NRG3: variants seen among roughly 807,000 people sequenced by gnomAD.
NRG3 encodes neuregulin 3.
Under a neutral mutation model 66.9 loss-of-function variants are expected in NRG3, and 31 were observed. The ratio of observed to expected loss-of-function variants is 0.46; its 90% CI spans 0.35 to 0.63. NRG3 has a LOEUF of 0.63. NRG3 is among the 20% of genes least tolerant of loss of function. The probability of loss-of-function intolerance (pLI) is 0.00; values close to 1 mark genes in which losing one functional copy is unlikely to be tolerated. For missense variants in NRG3, 910 were observed against 878.9 expected, an observed-to-expected ratio of 1.04 and a Z score of -0.45; for synonymous variants, 393 against 359.4, an observed-to-expected ratio of 1.09 and a Z score of -1.06.
chr10:82,933,989 A>G (rs1847830849), intron 4 of NRG3, among the ~76,000 whole-genome samples: 1 of 152,028 alleles, frequency 6.6e-6, no homozygotes, highest in Non-Finnish European at 1.5e-5. Context: ...TGGGCTCTGG[A>G]TTGGGTTGGT....
chr10:82,395,292 G>C (rs893741070), intron 2 of NRG3, among the ~76,000 whole-genome samples: 1 of 152,072 alleles, frequency 6.6e-6, no homozygotes, highest in African/African-American at 2.4e-5. Flanking sequence ...GTTAATTGAC[G>C]TACATATATA....
At chr10:82,959,403 A>G (rs1481470420) in intron 6 of NRG3, among the ~76,000 whole-genome samples, 1 of 152,190 alleles carries the variant, frequency 6.6e-6, no homozygotes, top group Non-Finnish European at 1.5e-5. Context: ...CAAGGATACA[A>G]TGTCCCTTGC....
At chr10:82,541,825 A>T (rs2043562196) in intron 2 of NRG3, among the ~76,000 whole-genome samples, 1 of 152,190 alleles carries the variant, frequency 6.6e-6, no homozygotes, top group East Asian at 1.9e-4. Flanking sequence ...ACTGCAGTCC[A>T]CCGATACCAG....
intron 3 of NRG3, among the ~76,000 whole-genome samples, chr10:82,825,163 C>T (rs1439674256): frequency 6.6e-6 from 1 of 152,154 alleles, no homozygotes; most frequent in Admixed American, 6.5e-5. Context: ...AAACATTTGT[C>T]ATTTTGATGA....
intron 3 of NRG3, among the ~76,000 whole-genome samples, chr10:82,784,236 A>G (rs1474445719): frequency 1.3e-5 from 2 of 152,022 alleles, no homozygotes; most frequent in African/African-American, 2.4e-5. Context: ...TAAACGTTAG[A>G]CCTAAAACCA....
At chr10:81,891,769 T>C (rs1422584862) in intron 1 of NRG3, among the ~76,000 whole-genome samples, 1 of 152,186 alleles carries the variant, frequency 6.6e-6, no homozygotes, top group Non-Finnish European at 1.5e-5. Flanking sequence ...CCTCAATTGT[T>C]TGAGACCCCA....
At chr10:82,281,959 G>A (rs2079144564) in intron 1 of NRG3, among the ~76,000 whole-genome samples, 1 of 152,062 alleles carries the variant, frequency 6.6e-6, no homozygotes, top group South Asian at 2.1e-4. Context: ...TAGCCTTTTG[G>A]TAACAAGCAA....
At chr10:82,242,855 G>T (rs1317091200) in intron 1 of NRG3, among the ~76,000 whole-genome samples, 1 of 152,164 alleles carries the variant, frequency 6.6e-6, no homozygotes, top group Non-Finnish European at 1.5e-5. Context: ...GCTGGAAAGG[G>T]AATTCTACTG....
At chr10:82,437,147 A>G (rs567975526) in intron 2 of NRG3, among the ~76,000 whole-genome samples, 5 of 151,618 alleles carry the variant, frequency 3.3e-5, no homozygotes, top group Non-Finnish European at 7.4e-5. Flanking sequence ...GTTTGTTTCC[A>G]TTCTCCCTTC....
At chr10:82,199,560 C>A (rs1273070341) in intron 1 of NRG3, among the ~76,000 whole-genome samples, 1 of 152,134 alleles carries the variant, frequency 6.6e-6, no homozygotes, top group African/African-American at 2.4e-5. Flanking sequence ...CCCTTAAAGT[C>A]AATTTTCTTA....
chr10:82,882,011 G>T (rs1842343763), intron 4 of NRG3, among the ~76,000 whole-genome samples: 1 of 152,034 alleles, frequency 6.6e-6, no homozygotes, highest in African/African-American at 2.4e-5. Flanking sequence ...ACACCACCTG[G>T]CTAACCTCAT....
intron 1 of NRG3, among the ~76,000 whole-genome samples, chr10:82,240,780 T>G (rs576415993): frequency 2.0e-5 from 3 of 152,342 alleles, no homozygotes; most frequent in African/African-American, 7.2e-5. Flanking sequence ...AGAGGACTTC[T>G]GTCAGTTTTT....
At chr10:82,778,370 C>G (rs1317949057) in intron 3 of NRG3, among the ~76,000 whole-genome samples, 1 of 152,174 alleles carries the variant, frequency 6.6e-6, no homozygotes, top group Non-Finnish European at 1.5e-5. Flanking sequence ...ACTTACAGTT[C>G]TGCATTGCTG....
At chr10:82,424,375 T>A (rs2089282847) in intron 2 of NRG3, among the ~76,000 whole-genome samples, 1 of 152,058 alleles carries the variant, frequency 6.6e-6, no homozygotes, top group Non-Finnish European at 1.5e-5. Context: ...TCATTGAGGT[T>A]TTGATGTGCA....
intron 2 of NRG3, among the ~76,000 whole-genome samples, chr10:82,636,137 A>C (rs952799179): frequency 6.6e-6 from 1 of 152,070 alleles, no homozygotes; most frequent in African/African-American, 2.4e-5. Flanking sequence ...AAGAGAAAGA[A>C]AACTAGGATG....
intron 2 of NRG3, among the ~76,000 whole-genome samples, chr10:82,723,428 C>T (rs991088619): frequency 2.0e-5 from 3 of 151,958 alleles, no homozygotes; most frequent in African/African-American, 7.3e-5. Context: ...TGCAAAATAC[C>T]CATGTTACAA....
intron 1 of NRG3, among the ~76,000 whole-genome samples, chr10:82,207,754 A>G (rs1362850495): frequency 6.6e-6 from 1 of 152,140 alleles, no homozygotes; most frequent in Non-Finnish European, 1.5e-5. Context: ...AGAAGAGTGA[A>G]TGAGTGAAGG....
intron 3 of NRG3, among the ~76,000 whole-genome samples, chr10:82,856,791 T>C (rs1330639044): frequency 6.8e-6 from 1 of 147,042 alleles, no homozygotes; most frequent in Admixed American, 6.8e-5. Context: ...AAAGGATATG[T>C]GTAGAAGTGC....
chr10:82,141,179 C>T (rs2069758291), intron 1 of NRG3, among the ~76,000 whole-genome samples: 3 of 152,136 alleles, frequency 2.0e-5, no homozygotes, highest in Admixed American at 2.0e-4. Context: ...GTATTTCTAT[C>T]ATAGGGTTAT....
Sources: gnomAD v4.1 joint callset for allele counts (sites outside exome capture counted in the v4.1 genomes callset) on GRCh38, gnomAD v4.1.1 for gene constraint, MANE v1.5 for transcripts, NCBI Gene and HGNC (gene_info 2026-07-23, HGNC 2026-07-21) for gene names.